Variants in MAP4K1 observed in about 807,000 individuals in gnomAD.
MAP4K1 encodes the protein mitogen-activated protein kinase kinase kinase kinase 1, also known as MAPK/ERK kinase kinase kinase 1.
MAP4K1 carries 35 observed loss-of-function variants against 122.8 expected under a neutral mutation model. The observed-to-expected ratio is 0.29, with a 90% CI of 0.22 to 0.38. The LOEUF (loss-of-function observed/expected upper bound fraction) is 0.38, where lower values mean the gene tolerates loss of function less well. MAP4K1 is among the 10% of genes least tolerant of loss of function. The probability of loss-of-function intolerance (pLI) is 1.00; values close to 1 mark genes in which losing one functional copy is unlikely to be tolerated. For missense variants in MAP4K1, 791 were observed against 1,072.6 expected (o/e 0.74, Z 3.67); for synonymous variants, 412 against 421.3 (o/e 0.98, Z 0.27).
intron 22 of MAP4K1, among the ~76,000 whole-genome samples, chr19:38,598,828 A>G (rs988144258): frequency 1.3e-5 from 2 of 151,882 alleles, no homozygotes; most frequent in Admixed American, 6.6e-5. Context: ...CCTGGCCAAC[A>G]TGGCGAAACC....
At position 38,595,949 on chromosome 19, in the gene MAP4K1, C is replaced by T. The variant is rs1201025368; in HGVS notation, c.2169G>A (p.Val723=). 6.2e-7 allele frequency: 1 copy of T among 1,614,038 alleles called. No homozygotes were observed. Among genetic ancestry groups the T allele is most frequent in the African/African-American group, 1.3e-5 (1 of 75,008 alleles). Residue 723 remains valine, a synonymous_variant, in exon 27 of 31, where the codon GTG becomes GTA. Coordinates refer to ENST00000396857, the MANE Select transcript of MAP4K1 (RefSeq NM_001042600.3). ...VTQVEEDMVM[V]LMDGSVKLVT... is the part of the protein sequence containing the mutation. ...AAGGAGGGTTCTCACCATCCATCAA[C>T]ACCATCACCATATCTTCCTCTACCT...
chr19:38,617,739 AG>A lies in MAP4K1; in HGVS notation c.99+57del. The A allele has an allele frequency of 6.2e-7, 1 of 1,607,696 alleles. No individual in the cohort carries two copies. The highest frequency in any genetic ancestry group is 1.1e-5 in the South Asian group (1 of 90,940). On this transcript the variant is annotated intron_variant, in intron 1 of 30. Transcript: ENST00000396857. The surrounding 1 kb of genome is among the most constrained non-coding windows in gnomAD (Gnocchi z 4.1). ...CCCTCTTGCAGCCTCCTCCCTGCCG[AG>A]GGCTTGCCTTAAAGGTCACTGGTTG...
At chr19:38,590,390 AAAAAATATATATATATATATAT>A (rs1265919075) in intron 30 of MAP4K1, among the ~76,000 whole-genome samples, 47 of 26,406 alleles carry the variant, frequency 1.8e-3, no homozygotes, top group Admixed American at 3.7e-3. Context: ...AAAAAAAAAA[AAAAAATATATATATATATATAT>A]ATATATATAT....
intron 26 of MAP4K1, 119 bp from the exon 27 acceptor site, chr19:38,596,120 A>T: frequency 7.5e-7 from 1 of 1,328,698 alleles, no homozygotes; most frequent in Non-Finnish European, 1.1e-6. Flanking sequence ...AAGTGGGCTA[A>T]ACCCCGCCCA....
intron 13 of MAP4K1, 93 bp downstream of exon 13, chr19:38,609,503 T>C (rs1975430240): frequency 9.3e-7 from 1 of 1,072,380 alleles, no homozygotes; most frequent in Non-Finnish European, 1.4e-6. Flanking sequence ...CAGATGATGC[T>C]GAGGGTCTCT....
intron 20 of MAP4K1, 109 bp downstream of exon 20, chr19:38,601,332 A>G: frequency 1.0e-6 from 1 of 991,142 alleles, no homozygotes; most frequent in Non-Finnish European, 1.5e-6. Flanking sequence ...CCCCAACTCC[A>G]TTAAGCTCCT....
chr19:38,599,124 T>G (rs1197632217), intron 22 of MAP4K1, among the ~76,000 whole-genome samples: 15 of 142,354 alleles, frequency 1.1e-4, no homozygotes, highest in African/African-American at 1.3e-4. Context: ...AGGTCAGGAG[T>G]TTGCGACCAG....
Position 38,607,393 on chromosome 19 carries a change from T to C in MAP4K1, c.1157+471A>G, listed in dbSNP as rs565596520. 3.3e-5 allele frequency among the ~76,000 whole-genome samples: 5 copies of C among 151,814 alleles called. No individual in the cohort carries two copies. The South Asian group carries it at 1.0e-3, about 32-fold the overall frequency. On this transcript the variant is annotated intron_variant, in intron 16 of 30. Coordinates refer to ENST00000396857, the MANE Select transcript of MAP4K1 (RefSeq NM_001042600.3). ...GGCCAACATGGTGAAACCCCATCTC[T>C]ACTAAAAATACAAAAAATTAGCTGG... is the stretch of plus-strand genomic sequence containing the variant.
chr19:38,601,536 C>T lies in MAP4K1; in HGVS notation c.1447-11G>A. On this transcript the variant is annotated splice_polypyrimidine_tract_variant and intron_variant, in intron 19 of 30. Coordinates refer to ENST00000396857, the MANE Select transcript of MAP4K1 (RefSeq NM_001042600.3). The stretch of plus-strand genomic sequence containing the variant: ...GAGAAGGGCACATCCCTGGGCAGGT[C>T]GCCGCGGGGCCAGGCAGCAGATCCG... The T allele has an allele frequency of 2.5e-6, 4 of 1,594,972 alleles. No individual in the cohort carries two copies. The South Asian group carries it at 3.4e-5, about 14-fold the overall frequency.
In MAP4K1 at chr19:38,597,117, C is replaced by A; in HGVS notation, c.1858G>T (p.Gly620Cys). The A allele has an allele frequency of 1.2e-6, 2 of 1,614,152 alleles. No individual in the cohort carries two copies. Among genetic ancestry groups the A allele is most frequent in the Non-Finnish European group, 1.7e-6 (2 of 1,180,020 alleles). The stretch of plus-strand genomic sequence containing the variant: ...TCCAATGCACCGCACAGGAACGGGC[C>A]CCCAGAGCTCGCACCCTCCGCTGTG... ...CCVAEGASSG[G>C]PFLCGALETS... The change falls in exon 25 of 31, where the codon GGC (glycine) becomes TGC (cysteine). Residue 620 changes from glycine to cysteine, a missense_variant. Physicochemically the swap from Gly to Cys is radical, Grantham distance 159. Around this residue, in one of 4 missense-constraint regions of MAP4K1, gnomAD observed 267 missense variants for 323.0 expected, o/e 0.83. Coordinates refer to ENST00000396857, the MANE Select transcript of MAP4K1 (RefSeq NM_001042600.3). The surrounding 1 kb of genome is among the most constrained non-coding windows in gnomAD (Gnocchi z 4.6).
chr19:38,596,007 T>G lies in MAP4K1; in HGVS notation c.2117-6A>C, dbSNP rs747666192. On this transcript the variant is annotated splice_region_variant and splice_polypyrimidine_tract_variant and intron_variant, in intron 26 of 30. Coordinates refer to ENST00000396857, the MANE Select transcript of MAP4K1 (RefSeq NM_001042600.3). ...CTGCACGGGTCCCCTGTGCTCTGTT[T>G]GGGGGGAGTGGGTTAAGGATTGACC... The G allele has an allele frequency of 1.1e-5, 17 of 1,613,504 alleles. No homozygotes were observed. The highest frequency in any genetic ancestry group is 1.3e-5 in the Non-Finnish European group (15 of 1,179,818).
At chr19:38,594,739 G>A (rs911572409) in intron 29 of MAP4K1, among the ~76,000 whole-genome samples, 1 of 151,956 alleles carries the variant, frequency 6.6e-6, no homozygotes, top group Non-Finnish European at 1.5e-5. Flanking sequence ...AGGAGTTTGA[G>A]ACTAGCCTGG....
At chr19:38,615,321 A>G (rs1975617851) in intron 4 of MAP4K1, among the ~76,000 whole-genome samples, 1 of 152,004 alleles carries the variant, frequency 6.6e-6, no homozygotes, top group Non-Finnish European at 1.5e-5. Flanking sequence ...TCCGAGAGAA[A>G]TGGAAGCTGT....
rs1201518762 is a variant in MAP4K1, at chr19:38,595,551, C to T, written c.2274G>A (p.Met758Ile). 1.2e-6 allele frequency: 2 copies of T among 1,613,990 alleles called. No homozygotes were observed. The highest frequency in any genetic ancestry group is 2.7e-5 in the African/African-American group (2 of 74,912). The change falls in exon 29 of 31, where the codon ATG becomes ATA. Residue 758 changes from methionine to isoleucine, a missense_variant. Physicochemically the swap from Met to Ile is conservative, Grantham distance 10. Coordinates refer to ENST00000396857, the MANE Select transcript of MAP4K1 (RefSeq NM_001042600.3). The part of the protein sequence containing the change: ...PMTEAVEAVA[M>I]VGGQLQAFWK... ...AGAAGGCCTGAAGCTGACCTCCAACCATAGCTGGGGAGAAAGCAATGCCCG... is the reference window on the plus strand; with the variant it reads ...AGAAGGCCTGAAGCTGACCTCCAACTATAGCTGGGGAGAAAGCAATGCCCG...
intron 22 of MAP4K1, among the ~76,000 whole-genome samples, chr19:38,598,533 T>A (rs1050192500): frequency 2.6e-5 from 4 of 152,138 alleles, no homozygotes; most frequent in Admixed American, 6.6e-5. Flanking sequence ...GGTCTCACTA[T>A]GTTGCCCAGG....
rs186475599 is a variant in MAP4K1, at chr19:38,589,962, C to T, written c.2397-2145G>A. On this transcript the variant is annotated intron_variant, in intron 30 of 30. Coordinates refer to ENST00000396857, the MANE Select transcript of MAP4K1 (RefSeq NM_001042600.3). ...GGAGGACTGATTGAACCCAGGAGGTCGAGGCTGCAGTGAGCCATGATCGCG... is the reference window on the plus strand; with the variant it reads ...GGAGGACTGATTGAACCCAGGAGGTTGAGGCTGCAGTGAGCCATGATCGCG... 3.3e-5 allele frequency among the ~76,000 whole-genome samples: 5 copies of T among 151,446 alleles called. No homozygotes were observed. The East Asian group carries it at 9.8e-4, about 30-fold the overall frequency.
intron 19 of MAP4K1, among the ~76,000 whole-genome samples, chr19:38,602,641 TATACATATATAC>T (rs1975118941): frequency 7.4e-6 from 1 of 136,034 alleles, no homozygotes; most frequent in Non-Finnish European, 1.5e-5. Flanking sequence ...TATACACACC[TATACATATATAC>T]ATATATACAC....
chr19:38,596,543 G>A (rs1974892453), intron 25 of MAP4K1, 57 bp from the exon 26 acceptor site: 3 of 1,396,794 alleles, frequency 2.1e-6, no homozygotes, highest in Admixed American at 2.5e-5. Flanking sequence ...GGGCCTCAGG[G>A]GGCGTGGCTT....
Position 38,611,248 on chromosome 19 carries a change from G to T in MAP4K1, c.723C>A (p.Gly241=), listed in dbSNP as rs761754153. The change falls in exon 10 of 31, where the codon GGC becomes GGA. Residue 241 remains glycine, a synonymous_variant. Transcript: ENST00000396857. ...CTCCTGTTACTCTCTCGTACCATTT[G>T]CCTTTTTCCTTCAGTCGGGGAGGCT... ...GYQPPRLKEK[G]KWSAAFHNFI... is the part of the protein sequence containing the mutation. The T allele has an allele frequency of 6.2e-7, 1 of 1,613,114 alleles. No individual in the cohort carries two copies.
Sources: allele counts gnomAD v4.1 joint callset (sites outside exome capture counted in the v4.1 genomes callset), GRCh38; gene constraint gnomAD v4.1.1; regional missense constraint gnomAD v4.1.1; non-coding constraint Gnocchi (gnomAD v3.1); transcripts MANE v1.5; gene names NCBI Gene and HGNC (gene_info 2026-07-23, HGNC 2026-07-21).